ACVR1C: variants seen among roughly 807,000 people sequenced by gnomAD.
The protein encoded by ACVR1C is activin A receptor type 1C, also known as activin receptor type-1C.
Under a neutral mutation model 57.9 loss-of-function variants are expected in ACVR1C, and 23 were observed. The observed-to-expected ratio is 0.40, with a 90% CI of 0.29 to 0.56. The LOEUF (loss-of-function observed/expected upper bound fraction) is 0.56, where lower values mean the gene tolerates loss of function less well. ACVR1C is among the 20% of genes least tolerant of loss of function. The probability of loss-of-function intolerance (pLI) is 0.50; values close to 1 mark genes in which losing one functional copy is unlikely to be tolerated. For synonymous variants in ACVR1C, 214 were observed against 215.3 expected, an observed-to-expected ratio of 0.99 and a Z score of 0.05; for missense variants, 480 against 607.9, an observed-to-expected ratio of 0.79 and a Z score of 2.21.
intron 1 of ACVR1C, among the ~76,000 whole-genome samples, chr2:157,593,857 T>A (rs1223873128): frequency 6.6e-6 from 1 of 152,028 alleles, no homozygotes; most frequent in African/African-American, 2.4e-5. Flanking sequence ...AAATGCAAAC[T>A]TTTTTGGCCA....
At chr2:157,623,140 C>T (rs1475392594) in intron 1 of ACVR1C, among the ~76,000 whole-genome samples, 1 of 152,138 alleles carries the variant, frequency 6.6e-6, no homozygotes, top group Non-Finnish European at 1.5e-5. Context: ...AAAAAGCGAA[C>T]ATTTGTACAC....
chr2:157,614,535 A>G (rs915620647), intron 1 of ACVR1C, among the ~76,000 whole-genome samples: 2 of 152,186 alleles, frequency 1.3e-5, no homozygotes, highest in Non-Finnish European at 2.9e-5. Context: ...ATTATTTTTT[A>G]GATTTTGTAT....
chr2:157,618,099 T>C (rs1682693354), intron 1 of ACVR1C, among the ~76,000 whole-genome samples: 1 of 151,858 alleles, frequency 6.6e-6, no homozygotes, highest in Non-Finnish European at 1.5e-5. Flanking sequence ...TGTAAAATAG[T>C]ATATTCATTT....
Position 157,534,007 on chromosome 2 carries a change from A to G in ACVR1C, c.1393T>C (p.Trp465Arg). 1 of 1,591,846 alleles carries G rather than the reference A, an allele frequency of 6.3e-7. No individual in the cohort carries two copies. Among genetic ancestry groups the G allele is most frequent in the Non-Finnish European group, 8.5e-7 (1 of 1,171,066 alleles). Residue 465 changes from tryptophan to arginine, a missense_variant, in exon 9 of 9, where the codon TGG becomes CGG. Coordinates refer to ENST00000243349, the MANE Select transcript of ACVR1C (RefSeq NM_145259.3). Reference sequence around the variant, plus strand: ...AGGCGGGCCGCTCCGTTGGCATACCAACACTCACGCATTATTCTCCCCATG... The same window carrying G: ...AGGCGGGCCGCTCCGTTGGCATACCGACACTCACGCATTATTCTCCCCATG... ...RVMGRIMREC[W>R]YANGAARLTA... is the part of the protein sequence containing the mutation.
chr2:157,622,670 G>A lies in ACVR1C; in HGVS notation c.73+5902C>T, dbSNP rs767638768. Among the ~76,000 whole-genome samples the A allele has an allele frequency of 2.8e-4, 42 of 152,126 alleles. No individual in the cohort carries two copies. The Middle Eastern group carries it at 0.014, about 49-fold the overall frequency. ...TGAAACTACTACAAGAAAACATTGG[G>A]GAAAATCTCCAGGACATCAGTTTGT... is the stretch of plus-strand genomic sequence containing the variant. On this transcript the variant is annotated intron_variant, in intron 1 of 8. Coordinates refer to ENST00000243349, the MANE Select transcript of ACVR1C (RefSeq NM_145259.3).
intron 2 of ACVR1C, among the ~76,000 whole-genome samples, chr2:157,582,870 A>G (rs1044539658): frequency 3.9e-5 from 6 of 152,096 alleles, no homozygotes; most frequent in African/African-American, 1.4e-4. Context: ...AATATAAGCT[A>G]TTTTCTTTTC....
At chr2:157,534,139 G>T in intron 8 of ACVR1C, 96 bp from the exon 9 acceptor site, 1 of 1,081,632 alleles carries the variant, frequency 9.2e-7, no homozygotes, top group East Asian at 3.3e-5. Flanking sequence ...TTGATGCTAA[G>T]CTTTTTTTTT....
intron 1 of ACVR1C, among the ~76,000 whole-genome samples, chr2:157,592,385 A>G (rs940976933): frequency 2.0e-5 from 3 of 152,134 alleles, no homozygotes; most frequent in Non-Finnish European, 2.9e-5. Flanking sequence ...AGTAAAAGTT[A>G]CAAATCTTAA....
At chr2:157,551,306 A>G (rs1687920151) in intron 3 of ACVR1C, among the ~76,000 whole-genome samples, 1 of 152,222 alleles carries the variant, frequency 6.6e-6, no homozygotes, top group African/African-American at 2.4e-5. Context: ...ATGAGAATTA[A>G]TAAGCATGTT....
intron 1 of ACVR1C, among the ~76,000 whole-genome samples, chr2:157,591,314 C>G (rs1317205093): frequency 6.6e-6 from 1 of 151,952 alleles, no homozygotes; most frequent in Non-Finnish European, 1.5e-5. Context: ...AGACAAAGGT[C>G]TCAGCCCTCA....
chr2:157,534,040 G>A lies in ACVR1C; in HGVS notation c.1360C>T (p.Leu454Phe). 4 of 1,554,568 alleles carry A rather than the reference G, an allele frequency of 2.6e-6. No homozygotes were observed. The highest frequency in any genetic ancestry group is 2.5e-5 in the South Asian group (2 of 81,064). Reference sequence around the variant, plus strand: ...CGCATTATTCTCCCCATGACTCGGAGTGCCTTTAAGAGAGAAAAAAAAAAT... The same window carrying A: ...CGCATTATTCTCCCCATGACTCGGAATGCCTTTAAGAGAGAAAAAAAAAAT... The part of the protein sequence containing the change: ...IPNQWQSCEA[L>F]RVMGRIMREC... The change falls in exon 9 of 9, where the codon CTC becomes TTC. Residue 454 changes from leucine (L) to phenylalanine (F), a missense_variant. By Grantham distance (22) the Leu-to-Phe change is conservative. Transcript: ENST00000243349.
intron 3 of ACVR1C, among the ~76,000 whole-genome samples, chr2:157,554,132 A>G (rs1392081289): frequency 6.7e-6 from 1 of 149,838 alleles, no homozygotes; most frequent in Non-Finnish European, 1.5e-5. Context: ...GCAGTGAGCC[A>G]AGATAGCACC....
chr2:157,559,855 A>G (rs1688195513), intron 2 of ACVR1C, among the ~76,000 whole-genome samples: 1 of 151,972 alleles, frequency 6.6e-6, no homozygotes, highest in Non-Finnish European at 1.5e-5. Context: ...TATTAACAAG[A>G]CAGCAGGAAG....
chr2:157,555,170 C>T (rs1688069566), intron 3 of ACVR1C, among the ~76,000 whole-genome samples: 1 of 128,008 alleles, frequency 7.8e-6, no homozygotes, highest in Non-Finnish European at 1.6e-5. Flanking sequence ...GGACTGCGGA[C>T]TGCAGTGGCG....
chr2:157,621,775 G>C (rs982692810), intron 1 of ACVR1C, among the ~76,000 whole-genome samples: 33 of 152,282 alleles, frequency 2.2e-4, no homozygotes, highest in African/African-American at 7.7e-4. Flanking sequence ...TTGCTCCACA[G>C]CCTCTATGGC....
At position 157,628,716 on chromosome 2, in the gene ACVR1C, C is replaced by T; in HGVS notation, c.-72G>A. On this transcript the variant is annotated 5_prime_UTR_variant, in exon 1 of 9. Coordinates refer to ENST00000243349, the MANE Select transcript of ACVR1C (RefSeq NM_145259.3). The stretch of plus-strand genomic sequence containing the variant: ...GAGGCAGCCGGGGCAGCACGGCCCG[C>T]TTTGAAGTTCCCGGGCCGCGGGAGG... 7.5e-7 allele frequency: 1 copy of T among 1,331,486 alleles called. No individual in the cohort carries two copies. The allele number at this position is 1,331,486 out of a possible 1,614,324, so 82.5% of individuals were successfully genotyped here.
chr2:157,601,251 A>C (rs1271314829), intron 1 of ACVR1C, among the ~76,000 whole-genome samples: 1 of 152,104 alleles, frequency 6.6e-6, no homozygotes, highest in Non-Finnish European at 1.5e-5. Context: ...CGGGAGGCGG[A>C]GGTTGCAGTG....
At chr2:157,547,194 C>T (rs1319605790) in intron 4 of ACVR1C, among the ~76,000 whole-genome samples, 4 of 129,798 alleles carry the variant, frequency 3.1e-5, no homozygotes, top group Admixed American at 8.1e-5. Context: ...ATATGTGCCA[C>T]GTTTTCTTAA....
chr2:157,618,191 A>G (rs1426864950), intron 1 of ACVR1C, among the ~76,000 whole-genome samples: 1 of 151,898 alleles, frequency 6.6e-6, no homozygotes, highest in East Asian at 1.9e-4. Context: ...TAGAAGTAAA[A>G]CATATGAGAT....
Sources: gnomAD v4.1 joint callset for allele counts (sites outside exome capture counted in the v4.1 genomes callset) on GRCh38, gnomAD v4.1.1 for gene constraint, MANE v1.5 for transcripts, NCBI Gene and HGNC (gene_info 2026-07-23, HGNC 2026-07-21) for gene names.